The following PLXNA2 variants were observed in gnomAD, a reference collection of about 807,000 sequenced individuals.
The protein encoded by PLXNA2 is plexin-A2.
Under a neutral mutation model 193.5 loss-of-function variants are expected in PLXNA2, and 91 were observed. The observed-to-expected ratio is 0.47, with a 90% CI of 0.40 to 0.56. The LOEUF is 0.56. Among genes scored for constraint, PLXNA2 ranks in the 20% least tolerant of loss-of-function variants. PLXNA2 has a pLI of 0.00. For missense variants in PLXNA2, 1,995 were observed against 2,503.2 expected, an observed-to-expected ratio of 0.80 and a Z score of 4.33; for synonymous variants, 997 against 1,027.3, an observed-to-expected ratio of 0.97 and a Z score of 0.56.
chr1:208,215,838 C>A (rs1671108689), intron 2 of PLXNA2, among the ~76,000 whole-genome samples: 1 of 152,182 alleles, frequency 6.6e-6, no homozygotes, highest in Admixed American at 6.5e-5. Flanking sequence ...GCACCATGAG[C>A]CGCTGACAGG....
chr1:208,127,392 C>G (rs1188900364), intron 4 of PLXNA2, among the ~76,000 whole-genome samples: 1 of 152,244 alleles, frequency 6.6e-6, no homozygotes, highest in East Asian at 1.9e-4. Flanking sequence ...TTTGGGTCTG[C>G]CTGGCTCATT....
At chr1:208,104,469 G>A (rs1241106285) in intron 4 of PLXNA2, among the ~76,000 whole-genome samples, 1 of 152,210 alleles carries the variant, frequency 6.6e-6, no homozygotes, top group Non-Finnish European at 1.5e-5. Context: ...ATTGTGCTGA[G>A]TTTTTGTTGT....
intron 4 of PLXNA2, among the ~76,000 whole-genome samples, chr1:208,136,010 C>T (rs571086495): frequency 5.9e-5 from 9 of 152,136 alleles, no homozygotes; most frequent in Non-Finnish European, 7.3e-5. Flanking sequence ...TCTTGGGGGC[C>T]GCCTGCTGTC....
intron 29 of PLXNA2, chr1:208,030,389 T>A (rs1483972432): frequency 1.9e-5 from 19 of 985,568 alleles, no homozygotes; most frequent in Non-Finnish European, 2.2e-5. Flanking sequence ...TGATTTCCCC[T>A]GAAGTGCCCT....
intron 3 of PLXNA2, among the ~76,000 whole-genome samples, chr1:208,165,820 G>GGGCCAGGACATCTGGGTCTCATTTT (rs1216343661): frequency 6.6e-6 from 1 of 152,132 alleles, no homozygotes; most frequent in Admixed American, 6.5e-5. Context: ...TCTCCCACGT[G>GGGCCAGGACATCTGGGTCTCATTTT]GGCCAGGACA....
At chr1:208,150,091 G>C (rs1460829696) in intron 3 of PLXNA2, among the ~76,000 whole-genome samples, 1 of 152,170 alleles carries the variant, frequency 6.6e-6, no homozygotes, top group Non-Finnish European at 1.5e-5. Context: ...AGCTAGCAGA[G>C]GAGAGGAAGA....
At position 208,232,361 on chromosome 1, in the gene PLXNA2, T is replaced by C. The variant is rs1174115859; in HGVS notation, c.-81+11282A>G. On this transcript the variant is annotated intron_variant, in intron 1 of 31. Coordinates refer to ENST00000367033, the MANE Select transcript of PLXNA2 (RefSeq NM_025179.4). ...GAGTGCAGAAGGCTCCTATCTGCCTTGACTCCTCTCCTTACCCATCTCCTC... is the reference window on the plus strand; with the variant it reads ...GAGTGCAGAAGGCTCCTATCTGCCTCGACTCCTCTCCTTACCCATCTCCTC... Among the ~76,000 whole-genome samples, 8 of 152,312 alleles carry C rather than the reference T, an allele frequency of 5.3e-5. No homozygotes were observed. The East Asian group carries it at 1.5e-3, about 29-fold the overall frequency.
chr1:208,089,610 G>A (rs541186412), intron 9 of PLXNA2, among the ~76,000 whole-genome samples: 43 of 152,208 alleles, frequency 2.8e-4, no homozygotes, highest in African/African-American at 8.7e-4. Flanking sequence ...TGATGCTGCC[G>A]GTCCCTGGGC....
At position 208,079,289 on chromosome 1, in the gene PLXNA2, C is replaced by T; in HGVS notation, c.2557G>A (p.Val853Ile). 6.2e-7 allele frequency: 1 copy of T among 1,611,326 alleles called. No homozygotes were observed. Among genetic ancestry groups the T allele is most frequent in the Non-Finnish European group, 8.5e-7 (1 of 1,177,660 alleles). ...GTGATTTGAGGGTTGGAGCACTTGACATTGTGGCTGGACCAGTCGAGCCAG... is the reference window on the plus strand; with the variant it reads ...GTGATTTGAGGGTTGGAGCACTTGATATTGTGGCTGGACCAGTCGAGCCAG... ...SPWLDWSSHN[V>I]KCSNPQITEI... is the part of the protein sequence containing the mutation. Residue 853 changes from valine to isoleucine, a missense_variant, in exon 12 of 32, where the codon GTC becomes ATC. This residue lies in a region of PLXNA2 where 1,291 missense variants were observed against 1,673.6 expected (regional missense o/e 0.77). Coordinates refer to ENST00000367033, the MANE Select transcript of PLXNA2 (RefSeq NM_025179.4).
At chr1:208,099,020 T>C (rs767672656) in intron 5 of PLXNA2, 51 bp from the exon 6 acceptor site, 1 of 1,601,390 alleles carries the variant, frequency 6.2e-7, no homozygotes, top group Admixed American at 1.7e-5. Flanking sequence ...ACCCATCTGT[T>C]TGGCTCCATT....
intron 3 of PLXNA2, among the ~76,000 whole-genome samples, chr1:208,165,648 C>G (rs1669278494): frequency 6.6e-6 from 1 of 152,196 alleles, no homozygotes; most frequent in Non-Finnish European, 1.5e-5. Context: ...CCAGCTACCC[C>G]TATGTGGTCT....
chr1:208,147,727 G>T (rs557676471), intron 3 of PLXNA2, among the ~76,000 whole-genome samples: 1 of 152,328 alleles, frequency 6.6e-6, no homozygotes, highest in East Asian at 1.9e-4. Flanking sequence ...CCCAGCTAGA[G>T]CCTGAATTCT....
intron 3 of PLXNA2, among the ~76,000 whole-genome samples, chr1:208,208,878 C>T (rs751277125): frequency 9.2e-5 from 14 of 152,212 alleles, no homozygotes; most frequent in Non-Finnish European, 1.9e-4. Context: ...ACAATTTGCT[C>T]AACTGGATAT....
chr1:208,186,943 G>A (rs1382909234), intron 3 of PLXNA2, among the ~76,000 whole-genome samples: 2 of 151,032 alleles, frequency 1.3e-5, no homozygotes, highest in South Asian at 2.1e-4. Flanking sequence ...GGATGGTCTC[G>A]ATCTCCTGAC....
chr1:208,182,051 T>TCAG (rs974679549), intron 3 of PLXNA2, among the ~76,000 whole-genome samples: 2 of 151,508 alleles, frequency 1.3e-5, no homozygotes, highest in African/African-American at 4.9e-5. Flanking sequence ...TCAGTCTAGC[T>TCAG]CAGCTCAGCT....
At chr1:208,103,350 C>G in intron 4 of PLXNA2, 103 bp from the exon 5 acceptor site, 1 of 839,944 alleles carries the variant, frequency 1.2e-6, no homozygotes, top group South Asian at 1.8e-5. Flanking sequence ...TGTCAACTCC[C>G]CTAAAGAGGT....
chr1:208,116,522 G>A (rs897360370), intron 4 of PLXNA2, among the ~76,000 whole-genome samples: 1 of 152,088 alleles, frequency 6.6e-6, no homozygotes, highest in African/African-American at 2.4e-5. Flanking sequence ...GTATCCATTC[G>A]GTGACTTGAG....
intron 9 of PLXNA2, among the ~76,000 whole-genome samples, chr1:208,090,061 G>C (rs1666659968): frequency 6.6e-6 from 1 of 152,222 alleles, no homozygotes; most frequent in African/African-American, 2.4e-5. Context: ...AAGAGCCAAA[G>C]CAGTATTTTA....
chr1:208,217,324 C>G lies in PLXNA2; in HGVS notation c.599G>C (p.Ser200Thr), dbSNP rs758569436. 6.2e-7 allele frequency: 1 copy of G among 1,614,142 alleles called. No homozygotes were observed. Among genetic ancestry groups the G allele is most frequent in the Non-Finnish European group, 8.5e-7 (1 of 1,180,020 alleles). ...GKQDYFPTLS[S>T]RKLPRDPESS... ...CTCAGGGTCTCGGGGCAGCTTCCGG[C>G]TGGACAGGGTCGGGAAGTAATCCTG... Residue 200 changes from serine to threonine, a missense_variant, in exon 2 of 32, where the codon AGC (serine) becomes ACC (threonine). Physicochemically the swap from Ser to Thr is moderately conservative, Grantham distance 58. This residue lies in a region of PLXNA2 where 702 missense variants were observed against 812.9 expected (regional missense o/e 0.86). Coordinates refer to ENST00000367033, the MANE Select transcript of PLXNA2 (RefSeq NM_025179.4). This position sits in a 1 kb window ranked among gnomAD's most constrained non-coding sequence, Gnocchi z 4.7.
Sources: gnomAD v4.1 joint callset for allele counts (sites outside exome capture counted in the v4.1 genomes callset) on GRCh38, gnomAD v4.1.1 for gene constraint, gnomAD v4.1.1 regional missense constraint, Gnocchi (gnomAD v3.1) non-coding constraint, MANE v1.5 for transcripts, NCBI Gene and HGNC (gene_info 2026-07-23, HGNC 2026-07-21) for gene names.